Variants in MORN1 observed in about 807,000 individuals in gnomAD.
The protein encoded by MORN1 is MORN repeat containing 1, also known as MORN repeat-containing protein 1.
In MORN1, 67 loss-of-function variants were observed where a neutral mutation model predicts 61.9. The ratio of observed to expected loss-of-function variants is 1.08; its 90% CI spans 0.89 to 1.33. The LOEUF (loss-of-function observed/expected upper bound fraction) is 1.33. MORN1 is among the 40% of genes most tolerant of loss of function. MORN1 has a pLI of 0.00. For synonymous variants in MORN1, 301 were observed against 292.0 expected (o/e 1.03, Z -0.31); for missense variants, 752 against 691.2 (o/e 1.09, Z -0.99).
At chr1:2,349,502 A>G (rs1407362546) in intron 10 of MORN1, among the ~76,000 whole-genome samples, 1 of 152,216 alleles carries the variant, frequency 6.6e-6, no homozygotes, top group African/African-American at 2.4e-5. Context: ...TGGAAGCAAC[A>G]TGATATCTTT....
intron 10 of MORN1, among the ~76,000 whole-genome samples, chr1:2,340,718 C>T (rs545840016): frequency 5.9e-5 from 9 of 152,276 alleles, no homozygotes; most frequent in African/African-American, 1.7e-4. Flanking sequence ...ACACAGGCCA[C>T]GACGGGCCAC....
chr1:2,339,167 G>A (rs1195733980), intron 10 of MORN1, among the ~76,000 whole-genome samples: 3 of 152,152 alleles, frequency 2.0e-5, no homozygotes, highest in East Asian at 1.9e-4. Flanking sequence ...GGTGAAAAGC[G>A]GAAGGGGAGG....
chr1:2,324,116 C>G lies in MORN1; in HGVS notation c.1278G>C (p.Gln426His). ...SRPEGRATEE[Q>H]AAAAHLGEYV... ...ACCTACCTAGGTGTGCTGCCGCAGC[C>G]TGCTCCTCCGTGGCTCTCCCCTCAG... The change falls in exon 13 of 14, where the codon CAG (glutamine) becomes CAC (histidine). Residue 426 changes from glutamine (Q) to histidine (H), a missense_variant. By Grantham distance (24) the Gln-to-His change is conservative (BLOSUM62 0). Coordinates refer to ENST00000378531, the MANE Select transcript of MORN1 (RefSeq NM_024848.3). The G allele has an allele frequency of 1.2e-6, 2 of 1,601,184 alleles. No individual in the cohort carries two copies. Among genetic ancestry groups the G allele is most frequent in the South Asian group, 2.2e-5 (2 of 88,952 alleles).
At chr1:2,344,696 C>T (rs959062385) in intron 10 of MORN1, among the ~76,000 whole-genome samples, 4 of 152,186 alleles carry the variant, frequency 2.6e-5, no homozygotes, top group African/African-American at 7.2e-5. Flanking sequence ...GGGGCCCGGC[C>T]GCCCCAGTGG....
chr1:2,390,039 G>T, intron 1 of MORN1, 43 bp from the exon 2 acceptor site: 1 of 1,545,862 alleles, frequency 6.5e-7, no homozygotes, highest in Non-Finnish European at 8.9e-7. Flanking sequence ...CAGACACAGA[G>T]ATGAGGGATG....
At chr1:2,359,528 G>C (rs1267499409) in intron 8 of MORN1, among the ~76,000 whole-genome samples, 6 of 152,290 alleles carry the variant, frequency 3.9e-5, no homozygotes, top group African/African-American at 1.4e-4. Context: ...TGGATAGCAG[G>C]GAGGAGTGGC....
At chr1:2,383,905 G>A (rs1252016391) in intron 6 of MORN1, among the ~76,000 whole-genome samples, 1 of 152,188 alleles carries the variant, frequency 6.6e-6, no homozygotes, top group African/African-American at 2.4e-5. Context: ...CCAGCCAGGA[G>A]CTCAGGCCTG....
At position 2,323,685 on chromosome 1, in the gene MORN1, C is replaced by A. The variant is rs1640933346; in HGVS notation, c.1297+412G>T. 12 of 985,276 alleles carry A rather than the reference C, an allele frequency of 1.2e-5. No homozygotes were observed. The South Asian group carries it at 4.7e-4, about 39-fold the overall frequency. The allele number at this position is 985,276 out of a possible 1,614,324, so 61.0% of individuals were successfully genotyped here. A position where few individuals can be genotyped will look rare whatever the true frequency, so the allele number is the denominator to read the frequency against. ...CCCCACGCTGGGAGGAGCCTTCCGC[C>A]CAGCCCAGGCCCACCAAGCCCTGCA... On this transcript the variant is annotated intron_variant, in intron 13 of 13. Transcript: ENST00000378531.
chr1:2,346,267 G>A (rs56216133), intron 10 of MORN1, among the ~76,000 whole-genome samples: 4,878 of 152,306 alleles, frequency 0.032, 258 homozygotes, highest in African/African-American at 0.11. Context: ...CGCAGTCAGG[G>A]AAAGGCCCCG....
At chr1:2,359,197 C>A (rs1641841179) in intron 8 of MORN1, among the ~76,000 whole-genome samples, 1 of 152,158 alleles carries the variant, frequency 6.6e-6, no homozygotes, top group South Asian at 2.1e-4. Flanking sequence ...GTCCTCATCA[C>A]CCTGGCAGAT....
At chr1:2,335,046 G>C (rs1025733482) in intron 12 of MORN1, among the ~76,000 whole-genome samples, 19 of 152,232 alleles carry the variant, frequency 1.2e-4, no homozygotes, top group African/African-American at 4.6e-4. Context: ...CTGTTTTTTA[G>C]TCTCTGCTTC....
At chr1:2,336,258 C>T (rs952801026) in intron 12 of MORN1, among the ~76,000 whole-genome samples, 2 of 152,332 alleles carry the variant, frequency 1.3e-5, no homozygotes, top group South Asian at 2.1e-4. Flanking sequence ...CCACCCACTT[C>T]ATGCCAGCCC....
At chr1:2,370,552 GA>G (rs1642092664) in intron 8 of MORN1, among the ~76,000 whole-genome samples, 2 of 152,142 alleles carry the variant, frequency 1.3e-5, no homozygotes, top group Non-Finnish European at 2.9e-5. Context: ...ATGAAAAGAT[GA>G]GCCGTAGGTG....
intron 10 of MORN1, among the ~76,000 whole-genome samples, chr1:2,349,832 C>A (rs1475188609): frequency 6.6e-6 from 1 of 152,082 alleles, no homozygotes; most frequent in South Asian, 2.1e-4. Flanking sequence ...TTGTCCAACA[C>A]GTGTAAGAGA....
At chr1:2,379,257 C>T (rs186425667) in intron 6 of MORN1, 34 of 428,140 alleles carry the variant, frequency 7.9e-5, no homozygotes, top group African/African-American at 3.9e-4. Flanking sequence ...GGGCATGATC[C>T]GAGGTGGGCA....
In MORN1 at chr1:2,334,519, C is replaced by T. The variant is rs78615410; in HGVS notation, c.1250+1950G>A. The stretch of plus-strand genomic sequence containing the variant: ...TAGTAAGGCCAGCTGCATGGAGAGG[C>T]GGGGCTCCCTTGGGGGAGCAGGCCT... On this transcript the variant is annotated intron_variant, in intron 12 of 13. Transcript: ENST00000378531. The surrounding 1 kb of genome is among the most constrained non-coding windows in gnomAD (Gnocchi z 5.4). 0.026 allele frequency among the ~76,000 whole-genome samples: 3,907 copies of T among 152,176 alleles called. 79 individuals carry two copies. The highest frequency in any genetic ancestry group is 0.036 in the Non-Finnish European group (2,422 of 67,962).
At chr1:2,331,794 TCCTCTCCCGCGGCTGCG>T (rs1557868391) in intron 12 of MORN1, among the ~76,000 whole-genome samples, 1 of 151,500 alleles carries the variant, frequency 6.6e-6, no homozygotes. Flanking sequence ...CCACTGCCGC[TCCTCTCCCGCGGCTGCG>T]CCTCTCCCGC....
rs147802891 is a variant in MORN1 at position 2,390,253 on chromosome 1, T to C, written c.77-257A>G. On this transcript the variant is annotated intron_variant, in intron 1 of 13. Coordinates refer to ENST00000378531, the MANE Select transcript of MORN1 (RefSeq NM_024848.3). ...AAGACAGGCCCAGTAAGAGGAGGGC[T>C]GGCTTGAAACAACTGCAGGTCCTTG... Among the ~76,000 whole-genome samples, 16 of 152,280 alleles carry C rather than the reference T, an allele frequency of 1.1e-4. No homozygotes were observed. In the East Asian group the frequency reaches 2.9e-3, roughly 28 times the overall value.
intron 10 of MORN1, among the ~76,000 whole-genome samples, chr1:2,341,682 T>C (rs1569947000): frequency 7.4e-6 from 1 of 135,380 alleles, no homozygotes; most frequent in South Asian, 2.4e-4. Context: ...AGAGCGAGAC[T>C]CCGTCTCAAG....
Sources: gnomAD v4.1 joint callset for allele counts (sites outside exome capture counted in the v4.1 genomes callset) on GRCh38, gnomAD v4.1.1 for gene constraint, Gnocchi (gnomAD v3.1) non-coding constraint, MANE v1.5 for transcripts, NCBI Gene and HGNC (gene_info 2026-07-23, HGNC 2026-07-21) for gene names.